Variants in IL34 observed in about 807,000 individuals in gnomAD.
The protein encoded by IL34 is interleukin 34, also known as interleukin-34.
In IL34, 17 loss-of-function variants were observed where a neutral mutation model predicts 25.3. The observed-to-expected ratio is 0.67, with a 90% confidence interval of 0.46 to 1.01. The LOEUF (loss-of-function observed/expected upper bound fraction) is 1.01. Ranked by LOEUF, IL34 falls within the 50% of genes least tolerant of loss-of-function variation. IL34 has a pLI of 0.00. For synonymous variants in IL34, 174 were observed against 140.9 expected, an observed-to-expected ratio of 1.23 and a Z score of -1.66; for missense variants, 368 against 312.9, an observed-to-expected ratio of 1.18 and a Z score of -1.33.
chr16:70,656,041 T>C (rs2052210525), intron 2 of IL34, among the ~76,000 whole-genome samples: 1 of 152,226 alleles, frequency 6.6e-6, no homozygotes, highest in Non-Finnish European at 1.5e-5. Flanking sequence ...CAAAATAACA[T>C]GTTTTTCTTG....
In IL34 at chr16:70,638,414, C is replaced by T. The variant is rs536245812; in HGVS notation, c.-400-8134C>T. ...GGATCTTGAGCCCAGGAGTTTGAGGCAACAGAGTGAAGATCCTATCAAAAA... is the reference window on the plus strand; with the variant it reads ...GGATCTTGAGCCCAGGAGTTTGAGGTAACAGAGTGAAGATCCTATCAAAAA... On this transcript the variant is annotated intron_variant, in intron 1 of 6. Coordinates refer to the IL34 transcript ENST00000429149. Among the ~76,000 whole-genome samples the T allele has an allele frequency of 2.3e-4, 34 of 148,640 alleles. 1 individual carries two copies. In the South Asian group the frequency reaches 2.6e-3, roughly 11 times the overall value.
chr16:70,653,155 G>A (rs1223406229), intron 1 of IL34, among the ~76,000 whole-genome samples: 1 of 151,788 alleles, frequency 6.6e-6, no homozygotes, highest in African/African-American at 2.4e-5. Flanking sequence ...GGAGGTTACG[G>A]TGAGCTGAGA....
chr16:70,594,790 G>A (rs2050796886), intron 1 of IL34, among the ~76,000 whole-genome samples: 1 of 152,088 alleles, frequency 6.6e-6, no homozygotes, highest in Admixed American at 6.6e-5. Flanking sequence ...TGGAAGGGAG[G>A]GCTTCTTGCC....
At chr16:70,605,098 G>C (rs2050982446) in intron 1 of IL34, among the ~76,000 whole-genome samples, 1 of 152,138 alleles carries the variant, frequency 6.6e-6, no homozygotes, top group African/African-American at 2.4e-5. Context: ...TCAGTCATCA[G>C]GGAGAGAGGT....
intron 1 of IL34, among the ~76,000 whole-genome samples, chr16:70,652,438 C>T (rs776877182): frequency 7.9e-5 from 12 of 152,200 alleles, no homozygotes; most frequent in East Asian, 1.9e-4. Context: ...TCTGCCTGGG[C>T]GACAGAGCAA....
At chr16:70,656,911 C>T (rs757346145) in intron 3 of IL34, 49 bp from the exon 4 acceptor site, 3 of 1,572,198 alleles carry the variant, frequency 1.9e-6, no homozygotes, top group Non-Finnish European at 2.6e-6. Context: ...GTGGTCAGAG[C>T]CCAGAGGCCC....
In IL34 at chr16:70,618,318, T is replaced by C. The variant is rs540070865; in HGVS notation, c.-400-28230T>C. On this transcript the variant is annotated intron_variant, in intron 1 of 6. Transcript: ENST00000429149. ...TGTCAGGTGGATCTGAGAGATACAG[T>C]CATGGGGGTCAGGTGTGGTATCAGG... 1.2e-4 allele frequency among the ~76,000 whole-genome samples: 18 copies of C among 151,930 alleles called. No homozygotes were observed. The East Asian group carries it at 3.1e-3, about 26-fold the overall frequency.
chr16:70,604,261 C>G (rs1194692848), intron 1 of IL34, among the ~76,000 whole-genome samples: 1 of 152,176 alleles, frequency 6.6e-6, no homozygotes, highest in South Asian at 2.1e-4. Flanking sequence ...AAATGTGAGG[C>G]CAAACCTGGG....
intron 1 of IL34, among the ~76,000 whole-genome samples, chr16:70,641,254 C>T (rs1328458240): frequency 3.4e-5 from 5 of 146,196 alleles, no homozygotes; most frequent in Admixed American, 6.8e-5. Context: ...GCTTGGGCAA[C>T]AGAGCGAGAC....
intron 1 of IL34, among the ~76,000 whole-genome samples, chr16:70,638,977 G>A (rs1179059169): frequency 6.6e-6 from 1 of 152,210 alleles, no homozygotes; most frequent in African/African-American, 2.4e-5. Context: ...TGGTTCAGGG[G>A]TGTTGTGGTA....
chr16:70,586,924 G>A (rs1478574814), intron 1 of IL34, among the ~76,000 whole-genome samples: 1 of 152,230 alleles, frequency 6.6e-6, no homozygotes, highest in Non-Finnish European at 1.5e-5. Flanking sequence ...TCACCTTGCT[G>A]GAGGGCCCCC....
chr16:70,628,872 C>G (rs1228552079), intron 1 of IL34, among the ~76,000 whole-genome samples: 4 of 147,972 alleles, frequency 2.7e-5, no homozygotes, highest in African/African-American at 5.0e-5. Flanking sequence ...ACTATAGCTT[C>G]GAACTCCTGG....
At position 70,659,647 on chromosome 16, in the gene IL34, C is replaced by T. The variant is rs201478676; in HGVS notation, c.432C>T (p.Ser144=). Reference sequence around the variant, plus strand: ...TGGAGGTCAGCCCCAAGGTGGAATCCGTGTTGTCCCTCTTGAATGCCCCAG... The same window carrying T: ...TGGAGGTCAGCCCCAAGGTGGAATCTGTGTTGTCCCTCTTGAATGCCCCAG... ...TDVEVSPKVE[S]VLSLLNAPGP... Residue 144 remains serine, a synonymous_variant, in exon 5 of 6, where the codon TCC becomes TCT. Coordinates refer to ENST00000288098, the MANE Select transcript of IL34 (RefSeq NM_001393494.1). The T allele has an allele frequency of 1.1e-5, 17 of 1,611,798 alleles. 1 individual carries two copies. The highest frequency in any genetic ancestry group is 6.6e-5 in the South Asian group (6 of 90,932).
intron 1 of IL34, chr16:70,580,122 G>T (rs572651396): frequency 2.8e-4 from 43 of 152,718 alleles, no homozygotes; most frequent in African/African-American, 8.7e-4. Context: ...TCCCCACCCC[G>T]ATTCTGCTGC....
chr16:70,609,907 A>C (rs2051065653), intron 1 of IL34, among the ~76,000 whole-genome samples: 1 of 152,202 alleles, frequency 6.6e-6, no homozygotes, highest in African/African-American at 2.4e-5. Flanking sequence ...TGCACCATTT[A>C]AAATGTGAAT....
Position 70,660,258 on chromosome 16 carries a change from C to G in IL34, c.*71C>G. On this transcript the variant is annotated 3_prime_UTR_variant, in exon 6 of 6. Transcript: ENST00000288098. ...CACAGGAGTTCAACTGGGTCTGAGA[C>G]TTCAAGGGGTGGTGGTGGGAGCCCC... 7.2e-7 allele frequency: 1 copy of G among 1,386,990 alleles called. No individual in the cohort carries two copies. Among genetic ancestry groups the G allele is most frequent in the Non-Finnish European group, 9.7e-7 (1 of 1,035,698 alleles). The allele number at this position is 1,386,990 out of a possible 1,614,324, so 85.9% of individuals were successfully genotyped here. A position where few individuals can be genotyped will look rare whatever the true frequency, so the allele number is the denominator to read the frequency against.
At chr16:70,623,016 G>C (rs2051313868) in intron 1 of IL34, among the ~76,000 whole-genome samples, 1 of 152,046 alleles carries the variant, frequency 6.6e-6, no homozygotes, top group Admixed American at 6.6e-5. Flanking sequence ...GAGTTGTTTT[G>C]TAAGGGATTG....
At chr16:70,595,509 G>A (rs929332675) in intron 1 of IL34, among the ~76,000 whole-genome samples, 3 of 151,700 alleles carry the variant, frequency 2.0e-5, no homozygotes, top group Admixed American at 6.6e-5. Context: ...ATAGTGATGG[G>A]TTCTCACTTT....
At chr16:70,627,892 A>G (rs890736979) in intron 1 of IL34, among the ~76,000 whole-genome samples, 4 of 152,230 alleles carry the variant, frequency 2.6e-5, no homozygotes, top group African/African-American at 7.2e-5. Flanking sequence ...TCCACATGCC[A>G]TGAATATTGT....
Sources: allele counts gnomAD v4.1 joint callset (sites outside exome capture counted in the v4.1 genomes callset), GRCh38; gene constraint gnomAD v4.1.1; transcripts MANE v1.5; gene names NCBI Gene and HGNC (gene_info 2026-07-23, HGNC 2026-07-21).